Variants in DDAH1 observed in about 807,000 individuals in gnomAD.
The protein encoded by DDAH1 is N(G),N(G)-dimethylarginine dimethylaminohydrolase 1.
In DDAH1, 19 loss-of-function variants were observed where a neutral mutation model predicts 28.8. The ratio of observed to expected loss-of-function variants is 0.66; its 90% CI spans 0.46 to 0.97. DDAH1 has a LOEUF of 0.97. Among genes scored for constraint, DDAH1 ranks in the 50% least tolerant of loss-of-function variants. The pLI is 0.00. For synonymous variants in DDAH1, 153 were observed against 154.4 expected (o/e 0.99, Z 0.07); for missense variants, 326 against 375.9 (o/e 0.87, Z 1.10).
chr1:85,520,570 T>C (rs1484942675), intron 1 of DDAH1, among the ~76,000 whole-genome samples: 1 of 152,232 alleles, frequency 6.6e-6, no homozygotes, highest in South Asian at 2.1e-4. Flanking sequence ...AGTTCAGATA[T>C]GTCAAAAAAC....
intron 2 of DDAH1, among the ~76,000 whole-genome samples, chr1:85,470,801 T>C (rs1655589161): frequency 6.6e-6 from 1 of 152,228 alleles, no homozygotes; most frequent in Non-Finnish European, 1.5e-5. Flanking sequence ...CATAGCCTCC[T>C]AATCTCAGTT....
chr1:85,572,676 G>C (rs570199191), intron 1 of DDAH1, among the ~76,000 whole-genome samples: 2 of 152,184 alleles, frequency 1.3e-5, no homozygotes, highest in Non-Finnish European at 2.9e-5. Flanking sequence ...AGTGTCAGCC[G>C]GCACTAACGC....
chr1:85,351,417 A>T, intron 3 of DDAH1, 89 bp downstream of exon 3: 1 of 1,029,140 alleles, frequency 9.7e-7, no homozygotes. Context: ...TGAAGCGTAA[A>T]CACCATTACT....
intron 1 of DDAH1, among the ~76,000 whole-genome samples, chr1:85,507,138 G>A (rs1349572733): frequency 4.6e-5 from 7 of 151,542 alleles, no homozygotes; most frequent in African/African-American, 9.7e-5. Flanking sequence ...ATATATATAT[G>A]TGTGTGTGTG....
intron 1 of DDAH1, among the ~76,000 whole-genome samples, chr1:85,505,543 G>T (rs1053291955): frequency 3.3e-5 from 5 of 152,176 alleles, no homozygotes; most frequent in Non-Finnish European, 5.9e-5. Flanking sequence ...GTCCCGAGGA[G>T]AGAAGGTGAT....
chr1:85,500,183 TCA>T (rs1656770350), intron 1 of DDAH1, among the ~76,000 whole-genome samples: 1 of 149,960 alleles, frequency 6.7e-6, no homozygotes. Context: ...CTTCCTTCCT[TCA>T]TCTTTTCTTC....
intron 1 of DDAH1, among the ~76,000 whole-genome samples, chr1:85,391,800 T>A (rs1293215804): frequency 6.6e-6 from 1 of 152,172 alleles, no homozygotes; most frequent in Non-Finnish European, 1.5e-5. Flanking sequence ...AAACTGTTGG[T>A]ATTGGTGCAA....
intron 1 of DDAH1, among the ~76,000 whole-genome samples, chr1:85,523,119 G>A (rs1657747818): frequency 6.6e-6 from 1 of 151,940 alleles, no homozygotes; most frequent in Non-Finnish European, 1.5e-5. Context: ...GGCCATTTAA[G>A]TTGCTTCTTG....
chr1:85,380,186 G>A (rs1650913116), intron 1 of DDAH1, among the ~76,000 whole-genome samples: 1 of 152,166 alleles, frequency 6.6e-6, no homozygotes, highest in Non-Finnish European at 1.5e-5. Context: ...CAGGCCGTAT[G>A]ACATTAAGTA....
intron 1 of DDAH1, among the ~76,000 whole-genome samples, chr1:85,415,298 A>C (rs1347516456): frequency 6.6e-6 from 1 of 152,098 alleles, no homozygotes; most frequent in Non-Finnish European, 1.5e-5. Context: ...ACAGGTGTGA[A>C]ACCACTGCAC....
intron 1 of DDAH1, among the ~76,000 whole-genome samples, chr1:85,551,821 A>G (rs941664203): frequency 1.3e-5 from 2 of 152,224 alleles, no homozygotes; most frequent in African/African-American, 4.8e-5. Context: ...AGAGATGATC[A>G]TATGCAAACA....
At chr1:85,487,513 G>C (rs980179608) in intron 2 of DDAH1, among the ~76,000 whole-genome samples, 1 of 152,044 alleles carries the variant, frequency 6.6e-6, no homozygotes, top group Non-Finnish European at 1.5e-5. Context: ...AACATAATCA[G>C]TATTTTTCTT....
chr1:85,402,943 T>C (rs1177671364), intron 1 of DDAH1, among the ~76,000 whole-genome samples: 1 of 151,930 alleles, frequency 6.6e-6, no homozygotes, highest in Non-Finnish European at 1.5e-5. Context: ...ACAATTCTCA[T>C]TTTTTGCTCC....
chr1:85,368,334 G>A (rs1347769700), intron 1 of DDAH1, among the ~76,000 whole-genome samples: 5 of 152,146 alleles, frequency 3.3e-5, no homozygotes, highest in African/African-American at 1.2e-4. Flanking sequence ...ACGGAGCCAG[G>A]AGAAATAAAA....
chr1:85,470,551 C>T (rs1490351927), intron 2 of DDAH1, among the ~76,000 whole-genome samples: 1 of 152,198 alleles, frequency 6.6e-6, no homozygotes, highest in African/African-American at 2.4e-5. Flanking sequence ...ATGTCCTTGT[C>T]CAACCTAAGT....
At chr1:85,478,161 G>A (rs1655866184) in intron 2 of DDAH1, among the ~76,000 whole-genome samples, 1 of 152,090 alleles carries the variant, frequency 6.6e-6, no homozygotes, top group African/African-American at 2.4e-5. Context: ...AGAGAAATGG[G>A]CAAGAATATT....
rs1654748998 is a variant in DDAH1, at chr1:85,453,309, T to A, written c.303+11434A>T. Among the ~76,000 whole-genome samples, 4 of 152,308 alleles carry A rather than the reference T, an allele frequency of 2.6e-5. No homozygotes were observed. In the South Asian group the frequency reaches 8.3e-4, roughly 32 times the overall value. ...CACTCAGAGGCTTCAGTTATCCAGC[T>A]CAGTGCTCACAAAGAAAAATGCAGA... On this transcript the variant is annotated intron_variant, in intron 1 of 5. Transcript: ENST00000284031.
chr1:85,421,014 C>T (rs1653118797), intron 1 of DDAH1, among the ~76,000 whole-genome samples: 1 of 152,020 alleles, frequency 6.6e-6, no homozygotes, highest in South Asian at 2.1e-4. Context: ...TGGTGCTTCA[C>T]AAGAGAGAAG....
chr1:85,323,182 C>T (rs1661423666), intron 5 of DDAH1, among the ~76,000 whole-genome samples: 1 of 151,994 alleles, frequency 6.6e-6, no homozygotes, highest in Non-Finnish European at 1.5e-5. Context: ...GTAATTATAT[C>T]ATATTGCATA....
Sources: allele counts gnomAD v4.1 joint callset (sites outside exome capture counted in the v4.1 genomes callset), GRCh38; gene constraint gnomAD v4.1.1; transcripts MANE v1.5; gene names NCBI Gene and HGNC (gene_info 2026-07-23, HGNC 2026-07-21).